Variants in DMP1 observed in about 807,000 individuals in gnomAD.
The protein encoded by DMP1 is dentin matrix acidic phosphoprotein 1, also known as dentin matrix protein 1.
Under a neutral mutation model 14.6 loss-of-function variants are expected in DMP1, and 20 were observed. That is an observed-to-expected ratio of 1.37 (90% CI 0.96 to 1.99). The LOEUF is 1.99. Among genes scored for constraint, DMP1 ranks in the 30% most tolerant of loss-of-function variants. DMP1 has a pLI of 0.00. For missense variants in DMP1, 567 were observed against 620.5 expected, an observed-to-expected ratio of 0.91 and a Z score of 0.92; for synonymous variants, 197 against 215.3, an observed-to-expected ratio of 0.91 and a Z score of 0.75.
rs530594162 is a variant in DMP1 at position 87,664,140 on chromosome 4, G to T, written c.*820G>T. ...GTGATGATAAGAAGGATTGGGTCAG[G>T]AAGAGTGGGAGAAAGAAATTCCTCT... is the stretch of plus-strand genomic sequence containing the variant. On this transcript the variant is annotated 3_prime_UTR_variant, in exon 6 of 6. Coordinates refer to ENST00000339673, the MANE Select transcript of DMP1 (RefSeq NM_004407.4). 6.6e-6 allele frequency: 1 copy of T among 152,246 alleles called. No individual in the cohort carries two copies. Among genetic ancestry groups the T allele is most frequent in the Non-Finnish European group, 1.5e-5 (1 of 68,000 alleles). 9.4% of individuals were successfully genotyped at this position (152,246 alleles called of 1,614,324 possible).
At chr4:87,659,511 C>G in intron 5 of DMP1, 33 bp downstream of exon 5, 1 of 1,596,978 alleles carries the variant, frequency 6.3e-7, no homozygotes, top group Non-Finnish European at 8.6e-7. Flanking sequence ...ACTTTTCAGG[C>G]TACTTAGGAA....
chr4:87,654,879 T>C (rs1185795107), intron 1 of DMP1, among the ~76,000 whole-genome samples: 1 of 152,180 alleles, frequency 6.6e-6, no homozygotes, highest in Non-Finnish European at 1.5e-5. Context: ...GTCCTGAACT[T>C]ATGAAGGTAA....
chr4:87,658,027 C>T (rs1161073588), intron 3 of DMP1, among the ~76,000 whole-genome samples: 1 of 152,208 alleles, frequency 6.6e-6, no homozygotes, highest in African/African-American at 2.4e-5. Flanking sequence ...TAAAAGCAGA[C>T]ACTCTAGATC....
chr4:87,659,045 T>A, intron 3 of DMP1, 175 bp from the exon 4 acceptor site: 1 of 664,200 alleles, frequency 1.5e-6, no homozygotes, highest in Non-Finnish European at 2.7e-6. Context: ...AAGCCATTAG[T>A]CATTTTACTT....
intron 1 of DMP1, among the ~76,000 whole-genome samples, chr4:87,655,814 T>C (rs1473744388): frequency 6.6e-6 from 1 of 152,172 alleles, no homozygotes; most frequent in Non-Finnish European, 1.5e-5. Flanking sequence ...TGCATAATTA[T>C]TGTAAAAGGG....
intron 3 of DMP1, 73 bp downstream of exon 3, chr4:87,657,152 G>A: frequency 1.1e-6 from 1 of 892,078 alleles, no homozygotes; most frequent in East Asian, 2.6e-5. Context: ...TGATTTCATT[G>A]CAAATATTGA....
Position 87,650,392 on chromosome 4 carries a change from A to G in DMP1, c.-22+8A>G, listed in dbSNP as rs906028032. 7 of 152,184 alleles carry G rather than the reference A, an allele frequency of 4.6e-5. No individual in the cohort carries two copies. The highest frequency in any genetic ancestry group is 1.7e-4 in the African/African-American group (7 of 41,446). The allele number at this position is 152,184 out of a possible 1,614,324, so 9.4% of individuals were successfully genotyped here. On this transcript the variant is annotated splice_region_variant and intron_variant, in intron 1 of 5. Coordinates refer to ENST00000339673, the MANE Select transcript of DMP1 (RefSeq NM_004407.4). The stretch of plus-strand genomic sequence containing the variant: ...CTTTGTGAACTACGGAGGGTAAGTC[A>G]TTTTCATCATTTAATTTTTTAAAAT...
chr4:87,655,970 T>C (rs1461246421), intron 1 of DMP1, among the ~76,000 whole-genome samples: 1 of 152,350 alleles, frequency 6.6e-6, no homozygotes, highest in East Asian at 1.9e-4. Context: ...TTTGTTGAGT[T>C]ATAATCTATA....
intron 3 of DMP1, 182 bp from the exon 4 acceptor site, chr4:87,659,038 C>A (rs1728778885): frequency 3.1e-6 from 2 of 648,354 alleles, no homozygotes; most frequent in Admixed American, 2.6e-5. Context: ...TCTTTTCAAG[C>A]CATTAGTCAT....
rs137934682 is a variant in DMP1 at position 87,657,702 on chromosome 4, C to T, written c.102+623C>T. Among the ~76,000 whole-genome samples, 6 of 152,282 alleles carry T rather than the reference C, an allele frequency of 3.9e-5. No individual in the cohort carries two copies. In the East Asian group the frequency reaches 9.7e-4, roughly 25 times the overall value. ...GTGTTAGAGCCAGACTTTGATATTA[C>T]GTCACTCTAGCTCCAGAATCCACAT... is the stretch of plus-strand genomic sequence containing the variant. On this transcript the variant is annotated intron_variant, in intron 3 of 5. Coordinates refer to ENST00000339673, the MANE Select transcript of DMP1 (RefSeq NM_004407.4).
In DMP1 at chr4:87,663,778, G is replaced by C; in HGVS notation, c.*458G>C. The C allele has an allele frequency of 4.2e-6, 1 of 237,500 alleles. No individual in the cohort carries two copies. The highest frequency in any genetic ancestry group is 8.3e-6 in the Non-Finnish European group (1 of 120,930). 14.7% of individuals were successfully genotyped at this position (237,500 alleles called of 1,614,324 possible). A position where few individuals can be genotyped will look rare whatever the true frequency, so the allele number is the denominator to read the frequency against. Reference sequence around the variant, plus strand: ...AACAAGAATTGTTACAACCCAGTATGGTGAGTGCCAAGACAGAGAGCTATG... The same window carrying C: ...AACAAGAATTGTTACAACCCAGTATCGTGAGTGCCAAGACAGAGAGCTATG... On this transcript the variant is annotated 3_prime_UTR_variant, in exon 6 of 6. Coordinates refer to ENST00000339673, the MANE Select transcript of DMP1 (RefSeq NM_004407.4).
intron 3 of DMP1, chr4:87,657,422 AAAAG>A (rs751312821): frequency 1.9e-4 from 34 of 175,310 alleles, no homozygotes; most frequent in Non-Finnish European, 2.8e-4. Flanking sequence ...GGAAGGTGAA[AAAAG>A]AAAGAAGAAT....
At chr4:87,651,893 T>C (rs111553051) in intron 1 of DMP1, among the ~76,000 whole-genome samples, 1 of 152,196 alleles carries the variant, frequency 6.6e-6, no homozygotes, top group African/African-American at 2.4e-5. Flanking sequence ...ATTTCCTTCA[T>C]TTTGGTTTAC....
intron 5 of DMP1, among the ~76,000 whole-genome samples, chr4:87,661,551 A>T (rs1446551438): frequency 6.7e-6 from 1 of 149,010 alleles, no homozygotes; most frequent in African/African-American, 2.5e-5. Context: ...AGTAGAGACG[A>T]GGTTTCACCA....
intron 5 of DMP1, among the ~76,000 whole-genome samples, chr4:87,661,096 G>T (rs1728852586): frequency 6.6e-6 from 1 of 151,916 alleles, no homozygotes; most frequent in East Asian, 1.9e-4. Context: ...GGAGTGCAGT[G>T]GCTCGATCTC....
intron 5 of DMP1, 43 bp from the exon 6 acceptor site, chr4:87,661,919 G>A (rs1728898827): frequency 3.7e-6 from 6 of 1,614,000 alleles, no homozygotes; most frequent in African/African-American, 1.3e-5. Flanking sequence ...CTTCTCTATC[G>A]GTTCCTGGAA....
rs965641440 is a variant in DMP1, at chr4:87,659,785, T to C, written c.183+307T>C. ...CACACTCACAAATGGTCATTGACCATGTCAAACTTGCTCATCAACTTAAAA... is the reference window on the plus strand; with the variant it reads ...CACACTCACAAATGGTCATTGACCACGTCAAACTTGCTCATCAACTTAAAA... On this transcript the variant is annotated intron_variant, in intron 5 of 5. Coordinates refer to ENST00000339673, the MANE Select transcript of DMP1 (RefSeq NM_004407.4). Among the ~76,000 whole-genome samples the C allele has an allele frequency of 9.2e-5, 14 of 152,304 alleles. No homozygotes were observed. The South Asian group carries it at 1.7e-3, about 18-fold the overall frequency.
At chr4:87,658,578 T>A (rs1415592311) in intron 3 of DMP1, among the ~76,000 whole-genome samples, 1 of 152,224 alleles carries the variant, frequency 6.6e-6, no homozygotes, top group Non-Finnish European at 1.5e-5. Flanking sequence ...ATCAAATGGA[T>A]TTTTTCTTTA....
chr4:87,655,331 C>T (rs2110011446), intron 1 of DMP1, among the ~76,000 whole-genome samples: 1 of 152,168 alleles, frequency 6.6e-6, no homozygotes, highest in South Asian at 2.1e-4. Flanking sequence ...AAATACAAAA[C>T]AAAGTGTTTT....
Sources: allele counts gnomAD v4.1 joint callset (sites outside exome capture counted in the v4.1 genomes callset), GRCh38; gene constraint gnomAD v4.1.1; transcripts MANE v1.5; gene names NCBI Gene and HGNC (gene_info 2026-07-23, HGNC 2026-07-21).